C12orf50: variants seen among roughly 807,000 people sequenced by gnomAD.
C12orf50 encodes uncharacterized protein C12orf50.
C12orf50 carries 35 observed loss-of-function variants against 61.6 expected under a neutral mutation model. The ratio of observed to expected loss-of-function variants is 0.57; its 90% CI spans 0.43 to 0.75. C12orf50 has a LOEUF of 0.75. C12orf50 is among the 30% of genes least tolerant of loss of function. The pLI is 0.00. For missense variants in C12orf50, 475 were observed against 488.5 expected, an observed-to-expected ratio of 0.97 and a Z score of 0.26; for synonymous variants, 178 against 161.5, an observed-to-expected ratio of 1.10 and a Z score of -0.77.
At chr12:88,000,274 G>C (rs543481393) in intron 3 of C12orf50, among the ~76,000 whole-genome samples, 1 of 151,884 alleles carries the variant, frequency 6.6e-6, no homozygotes, top group South Asian at 2.1e-4. Flanking sequence ...ACCATTTGTC[G>C]AAAATACTAT....
chr12:87,998,341 G>A (rs2031508771), intron 3 of C12orf50, 151 bp from the exon 4 acceptor site: 1 of 511,866 alleles, frequency 2.0e-6, no homozygotes, highest in Non-Finnish European at 3.1e-6. Context: ...CTACACACTA[G>A]CAATGATTAA....
intron 3 of C12orf50, among the ~76,000 whole-genome samples, chr12:87,998,728 G>T (rs2031528024): frequency 6.6e-6 from 1 of 152,042 alleles, no homozygotes; most frequent in South Asian, 2.1e-4. Flanking sequence ...AAGACTATCT[G>T]GACTAGCATA....
chr12:87,993,153 T>C (rs77150392), intron 7 of C12orf50, among the ~76,000 whole-genome samples: 3,480 of 152,264 alleles, frequency 0.023, 140 homozygotes, highest in African/African-American at 0.078. Context: ...TTATTAATAT[T>C]AGGCTAATGA....
intron 7 of C12orf50, among the ~76,000 whole-genome samples, chr12:87,993,388 T>C (rs1417831637): frequency 6.6e-6 from 1 of 152,196 alleles, no homozygotes; most frequent in East Asian, 1.9e-4. Context: ...ATAGGTTAAA[T>C]AGACAGTGGG....
At chr12:88,018,259 G>A (rs1449642228) in intron 3 of C12orf50, among the ~76,000 whole-genome samples, 3 of 152,186 alleles carry the variant, frequency 2.0e-5, no homozygotes, top group Non-Finnish European at 2.9e-5. Flanking sequence ...GGCTGAAAGG[G>A]GCCAAGATAC....
At chr12:87,983,380 G>GTT in intron 11 of C12orf50, 185 bp from the exon 12 acceptor site, 3 of 343,214 alleles carry the variant, frequency 8.7e-6, no homozygotes, top group Non-Finnish European at 1.1e-5. Context: ...AAGTGAGCAT[G>GTT]TTTTTTTTTG....
chr12:88,005,041 T>C (rs914198234), intron 3 of C12orf50, among the ~76,000 whole-genome samples: 3 of 151,908 alleles, frequency 2.0e-5, no homozygotes, highest in Non-Finnish European at 4.4e-5. Context: ...GAAGTCAAAA[T>C]AAAAGTTAAA....
chr12:88,022,479 C>A (rs1484200801), intron 3 of C12orf50, among the ~76,000 whole-genome samples: 1 of 151,986 alleles, frequency 6.6e-6, no homozygotes, highest in Non-Finnish European at 1.5e-5. Context: ...CTCCTACTCA[C>A]CATAGTATTG....
chr12:87,981,671 C>G (rs2030480447), intron 12 of C12orf50, among the ~76,000 whole-genome samples: 1 of 152,020 alleles, frequency 6.6e-6, no homozygotes, highest in African/African-American at 2.4e-5. Context: ...TGGTGCTTAT[C>G]CTTTTAATCC....
At chr12:88,025,200 G>A (rs2032656744) in intron 3 of C12orf50, among the ~76,000 whole-genome samples, 1 of 152,136 alleles carries the variant, frequency 6.6e-6, no homozygotes, top group Admixed American at 6.6e-5. Context: ...TTAACTCAAT[G>A]TCTTAGAGTA....
chr12:87,990,645 T>TA (rs1164812731), intron 7 of C12orf50, among the ~76,000 whole-genome samples: 3 of 152,038 alleles, frequency 2.0e-5, no homozygotes, highest in Non-Finnish European at 4.4e-5. Flanking sequence ...CTGAAGGAGT[T>TA]ACGCTCCACA....
At chr12:87,996,879 G>A (rs755786914) in intron 4 of C12orf50, among the ~76,000 whole-genome samples, 1 of 152,156 alleles carries the variant, frequency 6.6e-6, no homozygotes, top group Non-Finnish European at 1.5e-5. Flanking sequence ...GAAATGAGAC[G>A]CTGAATGTAC....
intron 3 of C12orf50, among the ~76,000 whole-genome samples, chr12:88,012,338 C>T (rs753991461): frequency 2.0e-5 from 3 of 152,100 alleles, no homozygotes; most frequent in Non-Finnish European, 4.4e-5. Flanking sequence ...CCATAAATAC[C>T]TCCATAGCTA....
chr12:87,989,178 C>G (rs572903755), intron 8 of C12orf50, 86 bp downstream of exon 8: 6 of 893,584 alleles, frequency 6.7e-6, no homozygotes, highest in African/African-American at 6.7e-5. Flanking sequence ...ATTACCATTC[C>G]TCTATTGGTT....
intron 3 of C12orf50, among the ~76,000 whole-genome samples, chr12:88,020,759 C>A (rs4479067): frequency 0.26 from 39,013 of 151,758 alleles, 10,054 homozygotes; most frequent in African/African-American, 0.67. Context: ...CATGACACAT[C>A]CTCCAAAACT....
Position 87,996,733 on chromosome 12 carries a change from T to A in C12orf50, c.290-87A>T, listed in dbSNP as rs1680832906. On this transcript the variant is annotated intron_variant, in intron 4 of 12. Transcript: ENST00000298699. ...AACCAGAAAGGAAAACCCCAAATAC[T>A]GTTCTCATGGATAGATTACTTTTTT... 4.4e-6 allele frequency: 4 copies of A among 912,122 alleles called. 1 individual carries two copies. The highest frequency in any genetic ancestry group is 5.1e-6 in the Non-Finnish European group (3 of 585,944). 56.5% of individuals were successfully genotyped at this position (912,122 alleles called of 1,614,324 possible).
intron 3 of C12orf50, among the ~76,000 whole-genome samples, chr12:88,018,834 T>C (rs895241365): frequency 6.6e-6 from 1 of 152,192 alleles, no homozygotes; most frequent in Admixed American, 6.5e-5. Flanking sequence ...GCCCCTTTGT[T>C]TTGCCCAGTT....
intron 11 of C12orf50, chr12:87,983,706 C>A (rs1344894997): frequency 6.6e-6 from 1 of 150,500 alleles, no homozygotes; most frequent in African/African-American, 2.4e-5. Flanking sequence ...CATGTCCCTA[C>A]AAAGGACATG....
chr12:88,023,430 T>C lies in C12orf50; in HGVS notation c.133+3058A>G, dbSNP rs577650425. Among the ~76,000 whole-genome samples, 4 of 149,482 alleles carry C rather than the reference T, an allele frequency of 2.7e-5. No homozygotes were observed. In the South Asian group the frequency reaches 8.5e-4, roughly 32 times the overall value. ...CCTATAATCCCAGCACTTTGGGAGG[T>C]TGAGGTGGGTGGATCACAAGGTCAG... On this transcript the variant is annotated intron_variant, in intron 3 of 12. Transcript: ENST00000298699.
Sources: allele counts gnomAD v4.1 joint callset (sites outside exome capture counted in the v4.1 genomes callset), GRCh38; gene constraint gnomAD v4.1.1; transcripts MANE v1.5; gene names NCBI Gene and HGNC (gene_info 2026-07-23, HGNC 2026-07-21).